Variants in FAM184B observed in about 807,000 individuals in gnomAD.
FAM184B encodes the protein protein FAM184B.
Under a neutral mutation model 135.9 loss-of-function variants are expected in FAM184B, and 111 were observed. That is an observed-to-expected ratio of 0.82 (90% confidence interval 0.70 to 0.96). The LOEUF (loss-of-function observed/expected upper bound fraction) is 0.96. Ranked by LOEUF, FAM184B falls within the 40% of genes least tolerant of loss-of-function variation. The pLI is 0.00. For missense variants in FAM184B, 1,375 were observed against 1,323.9 expected, an observed-to-expected ratio of 1.04 and a Z score of -0.60; for synonymous variants, 552 against 524.8, an observed-to-expected ratio of 1.05 and a Z score of -0.71.
intron 1 of FAM184B, among the ~76,000 whole-genome samples, chr4:17,747,205 T>C (rs1224614824): frequency 1.3e-5 from 2 of 151,902 alleles, no homozygotes; most frequent in Admixed American, 1.3e-4. Context: ...GGTGATCTCT[T>C]TAGGTGGTGA....
At chr4:17,733,569 C>T (rs1717836082) in intron 1 of FAM184B, among the ~76,000 whole-genome samples, 1 of 152,160 alleles carries the variant, frequency 6.6e-6, no homozygotes, top group Non-Finnish European at 1.5e-5. Context: ...TGAGTGAACT[C>T]CCATTCACAA....
intron 10 of FAM184B, among the ~76,000 whole-genome samples, chr4:17,655,537 C>A (rs1715762121): frequency 6.6e-6 from 1 of 152,136 alleles, no homozygotes; most frequent in African/African-American, 2.4e-5. Flanking sequence ...TCCTGAGGGA[C>A]CTAGTTTCAC....
At chr4:17,677,454 T>C (rs1421984853) in intron 7 of FAM184B, among the ~76,000 whole-genome samples, 1 of 152,068 alleles carries the variant, frequency 6.6e-6, no homozygotes, top group African/African-American at 2.4e-5. Flanking sequence ...TTCCTGGAAA[T>C]ATACAACTCT....
intron 1 of FAM184B, among the ~76,000 whole-genome samples, chr4:17,747,366 G>C (rs1320879603): frequency 6.6e-6 from 1 of 152,128 alleles, no homozygotes; most frequent in Non-Finnish European, 1.5e-5. Context: ...CATGGGAAAC[G>C]GTGTGGACCT....
chr4:17,636,043 T>C (rs1715123078), intron 15 of FAM184B, among the ~76,000 whole-genome samples: 1 of 25,162 alleles, frequency 4.0e-5, no homozygotes, highest in African/African-American at 9.4e-5. Context: ...GTAAAGTGAT[T>C]TTTTTTTGCC....
At chr4:17,688,389 T>C (rs1447758488) in intron 7 of FAM184B, 35 bp downstream of exon 7, 1 of 1,468,634 alleles carries the variant, frequency 6.8e-7, no homozygotes, top group Admixed American at 2.1e-5. Context: ...AGAAAAGAAA[T>C]ATCTTTAATT....
At chr4:17,706,482 G>T (rs747107035) in intron 3 of FAM184B, among the ~76,000 whole-genome samples, 2 of 152,186 alleles carry the variant, frequency 1.3e-5, no homozygotes, top group African/African-American at 4.8e-5. Flanking sequence ...CCTGAAGGCA[G>T]CTCCCAGGTT....
intron 1 of FAM184B, among the ~76,000 whole-genome samples, chr4:17,770,584 C>A (rs1380915885): frequency 6.6e-6 from 1 of 152,136 alleles, no homozygotes; most frequent in Non-Finnish European, 1.5e-5. Flanking sequence ...CTGCCTCAGT[C>A]TCCCGAGTAG....
At chr4:17,696,559 C>A (rs1716862481) in intron 5 of FAM184B, among the ~76,000 whole-genome samples, 2 of 152,168 alleles carry the variant, frequency 1.3e-5, no homozygotes, top group Non-Finnish European at 2.9e-5. Flanking sequence ...CGCCTATAAT[C>A]CCAACACTTT....
chr4:17,659,975 C>T lies in FAM184B; in HGVS notation c.1807G>A (p.Ala603Thr). 1 of 1,551,046 alleles carries T rather than the reference C, an allele frequency of 6.4e-7. No individual in the cohort carries two copies. Among genetic ancestry groups the T allele is most frequent in the Non-Finnish European group, 8.7e-7 (1 of 1,146,974 alleles). ...RLEEDWQSQK[A>T]KLQAQVSQMQ... ...TGTCCTACCTGGGCTTGCAATTTGGCCTTCTGGCTTTGCCAGTCCTCCTCT... is the reference window on the plus strand; with the variant it reads ...TGTCCTACCTGGGCTTGCAATTTGGTCTTCTGGCTTTGCCAGTCCTCCTCT... The change falls in exon 9 of 18, where the codon GCC becomes ACC. Residue 603 changes from alanine (A) to threonine (T), a missense_variant. Transcript: ENST00000265018.
chr4:17,635,425 G>A (rs1028951369), intron 15 of FAM184B, among the ~76,000 whole-genome samples: 2 of 152,120 alleles, frequency 1.3e-5, no homozygotes, highest in South Asian at 2.1e-4. Context: ...AAACCCCCAG[G>A]TATGCAAAGG....
chr4:17,741,747 G>C (rs182113907), intron 1 of FAM184B, among the ~76,000 whole-genome samples: 1 of 152,020 alleles, frequency 6.6e-6, no homozygotes, highest in Non-Finnish European at 1.5e-5. Flanking sequence ...GACTGACATG[G>C]ACATAAACCC....
intron 1 of FAM184B, among the ~76,000 whole-genome samples, chr4:17,765,604 C>T (rs1024961510): frequency 3.9e-5 from 6 of 152,236 alleles, no homozygotes; most frequent in East Asian, 1.9e-4. Flanking sequence ...AGTCTGCCTT[C>T]AACCAACATG....
In FAM184B at chr4:17,642,119, C is replaced by G. The variant is rs957274489; in HGVS notation, c.2456G>C (p.Arg819Pro). 16 of 1,532,910 alleles carry G rather than the reference C, an allele frequency of 1.0e-5. No homozygotes were observed. The highest frequency in any genetic ancestry group is 1.4e-5 in the Non-Finnish European group (16 of 1,145,320). The allele number at this position is 1,532,910 out of a possible 1,614,324, so 95.0% of individuals were successfully genotyped here. The change falls in exon 13 of 18, where the codon CGG (arginine) becomes CCG (proline). Residue 819 changes from arginine (R) to proline (P), a missense_variant. Coordinates refer to ENST00000265018, the MANE Select transcript of FAM184B (RefSeq NM_015688.2). ...EENAQLQDAV[R>P]RLRAEVEQHQ... ...CTGCTCCACCTCCGCGCGCAGCCGC[C>G]GCACCGCGTCCTGGAGCTGCGCGTT...
At chr4:17,746,889 T>C (rs958157515) in intron 1 of FAM184B, among the ~76,000 whole-genome samples, 1 of 151,338 alleles carries the variant, frequency 6.6e-6, no homozygotes, top group African/African-American at 2.4e-5. Flanking sequence ...AATACAAAAA[T>C]TAGCTGGTTA....
rs564106798 is a variant in FAM184B at position 17,728,868 on chromosome 4, T to C, written c.142-19224A>G. 3.5e-4 allele frequency among the ~76,000 whole-genome samples: 53 copies of C among 152,214 alleles called. 1 individual carries two copies. The highest frequency in any genetic ancestry group is 6.5e-4 in the Non-Finnish European group (44 of 68,010). On this transcript the variant is annotated intron_variant, in intron 1 of 17. Transcript: ENST00000265018. ...CTGCATTTCCATCTGAGGTACCGGG[T>C]TCATCTCACTAGGGAGTGCCACACA...
In FAM184B at chr4:17,709,255, G is replaced by C. The variant is rs1197034487; in HGVS notation, c.531C>G (p.Pro177=). 1.9e-6 allele frequency: 3 copies of C among 1,547,222 alleles called. No individual in the cohort carries two copies. Among genetic ancestry groups the C allele is most frequent in the Non-Finnish European group, 2.6e-6 (3 of 1,144,816 alleles). The change falls in exon 2 of 18, where the codon CCC becomes CCG. Residue 177 remains proline (P), a synonymous_variant. Coordinates refer to ENST00000265018, the MANE Select transcript of FAM184B (RefSeq NM_015688.2). ...CCGACTTGGTTTCAGGGCTCTCCTGGGGCAGCCGGCCCTGCGGGGTAGCCT... is the reference window on the plus strand; with the variant it reads ...CCGACTTGGTTTCAGGGCTCTCCTGCGGCAGCCGGCCCTGCGGGGTAGCCT... ...SHEATPQGRL[P]QESPETKSEP... is the part of the protein sequence containing the mutation.
intron 8 of FAM184B, among the ~76,000 whole-genome samples, chr4:17,661,467 G>T (rs1030803472): frequency 3.9e-5 from 6 of 152,094 alleles, no homozygotes; most frequent in African/African-American, 1.2e-4. Flanking sequence ...CAGGAGAACC[G>T]CTTGGACTCA....
chr4:17,756,405 T>C (rs1280674962), intron 1 of FAM184B, among the ~76,000 whole-genome samples: 1 of 152,210 alleles, frequency 6.6e-6, no homozygotes, highest in Non-Finnish European at 1.5e-5. Context: ...TATTATGTCA[T>C]TTATATATAA....
Sources: gnomAD v4.1 joint callset for allele counts (sites outside exome capture counted in the v4.1 genomes callset) on GRCh38, gnomAD v4.1.1 for gene constraint, MANE v1.5 for transcripts, NCBI Gene and HGNC (gene_info 2026-07-23, HGNC 2026-07-21) for gene names.